The following KCNIP4 variants were observed in gnomAD, a reference collection of about 807,000 sequenced individuals.
KCNIP4 encodes potassium voltage-gated channel interacting protein 4.
A neutral mutation model predicts 34.0 loss-of-function variants in KCNIP4; 12 were observed. That is an observed-to-expected ratio of 0.35 (90% confidence interval 0.23 to 0.57). The LOEUF (loss-of-function observed/expected upper bound fraction) is 0.57. KCNIP4 is among the 20% of genes least tolerant of loss of function. The pLI is 0.83. For missense variants in KCNIP4, 238 were observed against 311.7 expected (o/e 0.76, Z 1.78); for synonymous variants, 124 against 102.2 (o/e 1.21, Z -1.29).
intron 1 of KCNIP4, among the ~76,000 whole-genome samples, chr4:21,506,927 G>A (rs1733893354): frequency 6.6e-6 from 1 of 151,930 alleles, no homozygotes; most frequent in South Asian, 2.1e-4. Flanking sequence ...AAGTAGATGG[G>A]ACTACAGGTG....
intron 1 of KCNIP4, among the ~76,000 whole-genome samples, chr4:21,178,415 TAGTGTCATCTGATGTC>T (rs1754591025): frequency 6.6e-6 from 1 of 152,152 alleles, no homozygotes; most frequent in South Asian, 2.1e-4. Context: ...AGGTGTCACT[TAGTGTCATCTGATGTC>T]AGTTCCATCG....
At chr4:21,445,262 G>A (rs1727876258) in intron 1 of KCNIP4, among the ~76,000 whole-genome samples, 1 of 152,028 alleles carries the variant, frequency 6.6e-6, no homozygotes, top group African/African-American at 2.4e-5. Flanking sequence ...TCACAGAATT[G>A]GAAAAAACTA....
At chr4:21,214,130 C>T (rs781761085) in intron 1 of KCNIP4, among the ~76,000 whole-genome samples, 1 of 152,194 alleles carries the variant, frequency 6.6e-6, no homozygotes, top group Non-Finnish European at 1.5e-5. Flanking sequence ...CCATTTAGCA[C>T]TGTGTCTGGT....
At chr4:20,952,927 C>T (rs1343213955) in intron 1 of KCNIP4, among the ~76,000 whole-genome samples, 2 of 152,226 alleles carry the variant, frequency 1.3e-5, no homozygotes, top group African/African-American at 4.8e-5. Context: ...CTTGCTGTGT[C>T]TTCCCATGGT....
intron 1 of KCNIP4, among the ~76,000 whole-genome samples, chr4:21,884,238 G>T (rs11732527): frequency 0.15 from 22,282 of 152,046 alleles, 2,003 homozygotes; most frequent in Non-Finnish European, 0.2. Context: ...TTGGTGACAG[G>T]CTACTATGCA....
intron 3 of KCNIP4, among the ~76,000 whole-genome samples, chr4:20,783,022 A>G (rs1757002000): frequency 6.6e-6 from 1 of 152,152 alleles, no homozygotes; most frequent in Non-Finnish European, 1.5e-5. Flanking sequence ...AAGTTCCACA[A>G]ATCTCTGCAG....
At chr4:21,512,180 G>C (rs1044394787) in intron 1 of KCNIP4, among the ~76,000 whole-genome samples, 3,154 of 140,394 alleles carry the variant, frequency 0.022, 114 homozygotes, top group African/African-American at 0.089. Flanking sequence ...GAGGAAGGAA[G>C]GAACGAACGA....
intron 1 of KCNIP4, among the ~76,000 whole-genome samples, chr4:21,768,819 C>T (rs1577963445): frequency 1.3e-5 from 2 of 152,026 alleles, no homozygotes; most frequent in African/African-American, 2.4e-5. Flanking sequence ...CCTTCAAGAA[C>T]ACACAATTGG....
chr4:21,179,965 G>A (rs1045227035), intron 1 of KCNIP4, among the ~76,000 whole-genome samples: 97 of 152,224 alleles, frequency 6.4e-4, no homozygotes, highest in African/African-American at 2.2e-3. Context: ...CATGGGTCAT[G>A]CACTGAGCAA....
intron 1 of KCNIP4, among the ~76,000 whole-genome samples, chr4:21,913,980 C>T (rs551824879): frequency 1.3e-5 from 2 of 152,138 alleles, no homozygotes; most frequent in Admixed American, 6.5e-5. Context: ...AGGAACCACA[C>T]CCCCAAGGCT....
intron 2 of KCNIP4, among the ~76,000 whole-genome samples, chr4:20,875,859 T>C (rs1308267334): frequency 6.6e-6 from 1 of 152,216 alleles, no homozygotes; most frequent in African/African-American, 2.4e-5. Flanking sequence ...TAAAAATTTC[T>C]ATGATCAATA....
chr4:20,881,252 ATTATG>A (rs1724648277), intron 2 of KCNIP4, among the ~76,000 whole-genome samples: 1 of 152,186 alleles, frequency 6.6e-6, no homozygotes, highest in South Asian at 2.1e-4. Context: ...CACTGAATGT[ATTATG>A]TTGTTTGTGG....
chr4:20,778,931 GGGT>G (rs1447882293), intron 3 of KCNIP4, among the ~76,000 whole-genome samples: 5 of 152,106 alleles, frequency 3.3e-5, no homozygotes, highest in Non-Finnish European at 7.4e-5. Flanking sequence ...CATTTTTTAA[GGGT>G]GAATGAGACT....
rs554009549 is a variant in KCNIP4, at chr4:20,750,236, TGAA to T, written c.359-507_359-505del. ...GAAAAACATACCCAAAGTCACACAG[TGAA>T]GAAGGAGTAAATCTGGGACATGAAC... On this transcript the variant is annotated intron_variant, in intron 4 of 8. Coordinates refer to ENST00000382152, the MANE Select transcript of KCNIP4 (RefSeq NM_025221.6). 6.4e-4 allele frequency among the ~76,000 whole-genome samples: 97 copies of T among 152,238 alleles called. 1 individual carries two copies. Among genetic ancestry groups the T allele is most frequent in the Middle Eastern group, 6.8e-3 (2 of 294 alleles).
chr4:21,067,213 G>A lies in KCNIP4; in HGVS notation c.62-184504C>T, dbSNP rs79860228. Among the ~76,000 whole-genome samples, 748 of 152,182 alleles carry A rather than the reference G, an allele frequency of 4.9e-3. 8 individuals are homozygous for A. Among genetic ancestry groups the A allele is most frequent in the Admixed American group, 0.013 (199 of 15,280 alleles). On this transcript the variant is annotated intron_variant, in intron 1 of 8. Coordinates refer to ENST00000382152, the MANE Select transcript of KCNIP4 (RefSeq NM_025221.6). ...TTCTGGCAGGATTCATTATCTTCTC[G>A]CTAAAGAACCCTTGGGCCCTGAATA... is the stretch of plus-strand genomic sequence containing the variant.
At chr4:20,829,011 G>A (rs1305595057) in intron 3 of KCNIP4, among the ~76,000 whole-genome samples, 1 of 152,112 alleles carries the variant, frequency 6.6e-6, no homozygotes, top group African/African-American at 2.4e-5. Flanking sequence ...TTTTGCTGGT[G>A]ATGGCATAGG....
intron 1 of KCNIP4, among the ~76,000 whole-genome samples, chr4:21,508,316 G>T (rs937653486): frequency 6.6e-6 from 1 of 152,090 alleles, no homozygotes; most frequent in Non-Finnish European, 1.5e-5. Flanking sequence ...TCAGTTACTT[G>T]ACTGTGTTCT....
At chr4:21,601,884 T>C (rs1209140001) in intron 1 of KCNIP4, among the ~76,000 whole-genome samples, 2 of 152,136 alleles carry the variant, frequency 1.3e-5, no homozygotes, top group Non-Finnish European at 2.9e-5. Context: ...GGAGAAGCTC[T>C]CCTTGACCAC....
chr4:21,175,008 A>G (rs151073834), intron 1 of KCNIP4, among the ~76,000 whole-genome samples: 74 of 152,116 alleles, frequency 4.9e-4, no homozygotes, highest in African/African-American at 1.7e-3. Context: ...AGATAAGGAC[A>G]CTGCATTGAT....
Sources: allele counts gnomAD v4.1 joint callset (sites outside exome capture counted in the v4.1 genomes callset), GRCh38; gene constraint gnomAD v4.1.1; transcripts MANE v1.5; gene names NCBI Gene and HGNC (gene_info 2026-07-23, HGNC 2026-07-21).